Variants in FIP1L1 observed in about 807,000 individuals in gnomAD.
FIP1L1 encodes the protein factor interacting with PAPOLA and CPSF1.
Under a neutral mutation model 84.6 loss-of-function variants are expected in FIP1L1, and 21 were observed. The observed-to-expected ratio is 0.25, with a 90% CI of 0.18 to 0.36. FIP1L1 has a LOEUF of 0.36. Ranked by LOEUF, FIP1L1 falls within the 10% of genes least tolerant of loss-of-function variation. FIP1L1 has a pLI of 1.00. For synonymous variants in FIP1L1, 263 were observed against 242.3 expected, an observed-to-expected ratio of 1.09 and a Z score of -0.80; for missense variants, 526 against 751.1, an observed-to-expected ratio of 0.70 and a Z score of 3.50.
chr4:53,452,760 C>T (rs1716854720), intron 15 of FIP1L1, among the ~76,000 whole-genome samples, 160 bp from the exon 16 acceptor site: 1 of 152,168 alleles, frequency 6.6e-6, no homozygotes, highest in Non-Finnish European at 1.5e-5. Context: ...AGATTTGTTT[C>T]TGGATCTTCC....
At chr4:53,435,012 A>G (rs1201613147) in intron 13 of FIP1L1, among the ~76,000 whole-genome samples, 1 of 152,216 alleles carries the variant, frequency 6.6e-6, no homozygotes, top group East Asian at 1.9e-4. Flanking sequence ...GTCTTACTCA[A>G]CAGATTACCT....
At chr4:53,438,210 T>C (rs909700590) in intron 13 of FIP1L1, among the ~76,000 whole-genome samples, 10 of 152,194 alleles carry the variant, frequency 6.6e-5, no homozygotes, top group Admixed American at 2.6e-4. Context: ...CAAAATACTT[T>C]CCTTATTTAA....
chr4:53,439,049 T>A (rs146257821), intron 13 of FIP1L1, among the ~76,000 whole-genome samples: 1 of 152,154 alleles, frequency 6.6e-6, no homozygotes, highest in Non-Finnish European at 1.5e-5. Flanking sequence ...TATTTACTTA[T>A]GAAAACTAGA....
chr4:53,382,101 C>T (rs911486548), intron 3 of FIP1L1, among the ~76,000 whole-genome samples, 177 bp from the exon 4 acceptor site: 5 of 152,062 alleles, frequency 3.3e-5, no homozygotes, highest in African/African-American at 1.2e-4. Flanking sequence ...ATGTTGAGTA[C>T]TTGTCTTCTG....
At chr4:53,403,963 C>G (rs1751648290) in intron 10 of FIP1L1, among the ~76,000 whole-genome samples, 1 of 151,640 alleles carries the variant, frequency 6.6e-6, no homozygotes, top group Non-Finnish European at 1.5e-5. Context: ...AGCTGCTTCT[C>G]TCTCCAGCCA....
intron 14 of FIP1L1, among the ~76,000 whole-genome samples, chr4:53,443,776 A>G (rs1383282070): frequency 6.6e-6 from 1 of 152,110 alleles, no homozygotes; most frequent in Non-Finnish European, 1.5e-5. Context: ...GAAATTTTCT[A>G]TTACTTTACT....
intron 13 of FIP1L1, among the ~76,000 whole-genome samples, chr4:53,438,196 GAAAC>G (rs984011549): frequency 1.3e-5 from 2 of 152,100 alleles, no homozygotes; most frequent in Non-Finnish European, 2.9e-5. Context: ...ATATAGAAAA[GAAAC>G]AAAATACTTT....
chr4:53,452,958 C>T lies in FIP1L1; in HGVS notation c.1324C>T (p.Pro442Ser). 6.2e-7 allele frequency: 1 copy of T among 1,613,086 alleles called. No homozygotes were observed. The highest frequency in any genetic ancestry group is 1.8e-4 in the Middle Eastern group (1 of 5,534). ...PHLPGSAPSW[P>S]SLVDTSKQWD... is the part of the protein sequence containing the mutation. ...TCTTCCTGGTTCTGCTCCTTCGTGG[C>T]CTAGTCTTGTGGACACCAGCAAGCA... is the stretch of plus-strand genomic sequence containing the variant. The change falls in exon 16 of 18, where the codon CCT becomes TCT. Residue 442 changes from proline (P) to serine (S), a missense_variant. This residue lies in a region of FIP1L1 where 83 missense variants were observed against 93.8 expected (regional missense o/e 0.88). Transcript: ENST00000337488.
At chr4:53,385,043 G>A (rs1252552965) in intron 5 of FIP1L1, among the ~76,000 whole-genome samples, 3 of 152,008 alleles carry the variant, frequency 2.0e-5, no homozygotes, top group Non-Finnish European at 2.9e-5. Context: ...TAAAATCCTA[G>A]CACCTTTTTA....
chr4:53,403,728 C>G (rs935072331), intron 10 of FIP1L1, among the ~76,000 whole-genome samples: 1 of 152,150 alleles, frequency 6.6e-6, no homozygotes, highest in Non-Finnish European at 1.5e-5. Context: ...GTGCAACATG[C>G]GGTTGGGCAT....
intron 13 of FIP1L1, chr4:53,440,746 G>T: frequency 1.5e-6 from 1 of 668,636 alleles, no homozygotes; most frequent in Non-Finnish European, 2.7e-6. Flanking sequence ...TTTCAGCTCT[G>T]CCTTTGCTTC....
chr4:53,451,427 A>G (rs762060373), intron 15 of FIP1L1, among the ~76,000 whole-genome samples: 1 of 151,870 alleles, frequency 6.6e-6, no homozygotes, highest in Non-Finnish European at 1.5e-5. Context: ...CTGATGAGTC[A>G]GTCCCTTTTT....
chr4:53,388,958 T>G (rs1742660634), intron 5 of FIP1L1, among the ~76,000 whole-genome samples: 1 of 152,158 alleles, frequency 6.6e-6, no homozygotes, highest in African/African-American at 2.4e-5. Flanking sequence ...CTTCAGATAT[T>G]TTTTTCTTTA....
At chr4:53,456,310 A>G (rs1240937487) in intron 16 of FIP1L1, among the ~76,000 whole-genome samples, 1 of 152,152 alleles carries the variant, frequency 6.6e-6, no homozygotes. Flanking sequence ...ACATGCACAG[A>G]TATTACTGAG....
At chr4:53,399,213 T>C (rs1748991863) in intron 9 of FIP1L1, among the ~76,000 whole-genome samples, 2 of 152,320 alleles carry the variant, frequency 1.3e-5, no homozygotes, top group South Asian at 4.1e-4. Flanking sequence ...ATGGTACTTT[T>C]AATGGTGATG....
At chr4:53,453,472 T>G (rs1317075648) in intron 16 of FIP1L1, among the ~76,000 whole-genome samples, 1 of 152,282 alleles carries the variant, frequency 6.6e-6, no homozygotes, top group East Asian at 1.9e-4. Context: ...TTATCACCAC[T>G]TCTATTATTA....
chr4:53,405,891 A>T (rs891541577), intron 10 of FIP1L1, among the ~76,000 whole-genome samples: 2 of 150,740 alleles, frequency 1.3e-5, no homozygotes, highest in African/African-American at 5.0e-5. Flanking sequence ...TTGCTTATCA[A>T]CTTAAGGAGA....
chr4:53,430,518 T>C (rs1203908839), intron 13 of FIP1L1, among the ~76,000 whole-genome samples: 1 of 151,744 alleles, frequency 6.6e-6, no homozygotes, highest in Non-Finnish European at 1.5e-5. Context: ...TTTTGTATTT[T>C]TTGTAGAGAT....
chr4:53,452,319 C>T (rs1449430984), intron 15 of FIP1L1, among the ~76,000 whole-genome samples: 1 of 146,748 alleles, frequency 6.8e-6, no homozygotes, highest in Non-Finnish European at 1.5e-5. Flanking sequence ...TTTCTCAACA[C>T]TTTTTTTTTT....
Sources: gnomAD v4.1 joint callset for allele counts (sites outside exome capture counted in the v4.1 genomes callset) on GRCh38, gnomAD v4.1.1 for gene constraint, gnomAD v4.1.1 regional missense constraint, MANE v1.5 for transcripts, NCBI Gene and HGNC (gene_info 2026-07-23, HGNC 2026-07-21) for gene names.